The following ABCA12 variants were observed in gnomAD, a reference collection of about 807,000 sequenced individuals.
ABCA12 encodes glucosylceramide transporter ABCA12.
A neutral mutation model predicts 293.5 loss-of-function variants in ABCA12; 156 were observed. That is an observed-to-expected ratio of 0.53 (90% CI 0.47 to 0.61). The LOEUF (loss-of-function observed/expected upper bound fraction) is 0.61. Ranked by LOEUF, ABCA12 falls within the 20% of genes least tolerant of loss-of-function variation. The probability of loss-of-function intolerance (pLI) is 0.00; values close to 1 mark genes in which losing one functional copy is unlikely to be tolerated. For synonymous variants in ABCA12, 1,063 were observed against 1,108.0 expected, an observed-to-expected ratio of 0.96 and a Z score of 0.81; for missense variants, 2,797 against 3,090.2, an observed-to-expected ratio of 0.91 and a Z score of 2.25.
intron 7 of ABCA12, among the ~76,000 whole-genome samples, chr2:215,040,268 G>A (rs535864935): frequency 6.6e-6 from 1 of 152,084 alleles, no homozygotes; most frequent in African/African-American, 2.4e-5. Flanking sequence ...TATCAAAAAG[G>A]CAAACTATAC....
intron 23 of ABCA12, among the ~76,000 whole-genome samples, chr2:214,994,341 C>A (rs1439422765): frequency 6.6e-6 from 1 of 152,130 alleles, no homozygotes; most frequent in Non-Finnish European, 1.5e-5. Context: ...CAGAGCAATT[C>A]ATCAATATCT....
chr2:214,966,436 C>T (rs1444313783), intron 39 of ABCA12, among the ~76,000 whole-genome samples: 1 of 152,014 alleles, frequency 6.6e-6, no homozygotes, highest in Non-Finnish European at 1.5e-5. Context: ...AAAAAAGTAA[C>T]CACTAACATA....
chr2:214,944,925 G>A, intron 49 of ABCA12, 76 bp downstream of exon 49: 1 of 1,089,442 alleles, frequency 9.2e-7, no homozygotes, highest in Non-Finnish European at 1.4e-6. Context: ...ATTTATTTAT[G>A]TTATACAGGA....
chr2:215,105,873 G>A (rs1194428148), intron 2 of ABCA12, among the ~76,000 whole-genome samples: 1 of 152,064 alleles, frequency 6.6e-6, no homozygotes, highest in Non-Finnish European at 1.5e-5. Context: ...AACTGGATTG[G>A]GCAATCCACA....
intron 1 of ABCA12, among the ~76,000 whole-genome samples, chr2:215,117,041 T>A (rs908950253): frequency 6.6e-6 from 1 of 152,238 alleles, no homozygotes; most frequent in South Asian, 2.1e-4. Context: ...TATTGAGCTA[T>A]GTTTACTTGT....
At chr2:215,018,155 A>G in intron 13 of ABCA12, 23 bp from the exon 14 acceptor site, 1 of 1,606,826 alleles carries the variant, frequency 6.2e-7, no homozygotes, top group East Asian at 2.2e-5. Flanking sequence ...AAATGTAAAA[A>G]GAAAACCCAT....
intron 3 of ABCA12, among the ~76,000 whole-genome samples, chr2:215,063,675 G>A (rs1300332030): frequency 1.3e-5 from 2 of 151,898 alleles, no homozygotes; most frequent in Non-Finnish European, 2.9e-5. Context: ...TATCACACAT[G>A]GTAGTACCAG....
At chr2:215,113,173 C>CAA (rs1702614370) in intron 1 of ABCA12, among the ~76,000 whole-genome samples, 3 of 152,164 alleles carry the variant, frequency 2.0e-5, no homozygotes, top group Non-Finnish European at 4.4e-5. Flanking sequence ...ATTACTGATC[C>CAA]TTAAATAACT....
intron 9 of ABCA12, chr2:215,030,054 A>C (rs1700838709): frequency 6.6e-6 from 1 of 152,240 alleles, no homozygotes; most frequent in South Asian, 2.1e-4. Context: ...CCTTAATTTC[A>C]TCAATCACAA....
At position 214,979,952 on chromosome 2, in the gene ABCA12, T is replaced by C. The variant is rs534813728; in HGVS notation, c.4740+531A>G. On this transcript the variant is annotated intron_variant, in intron 31 of 52. Coordinates refer to ENST00000272895, the MANE Select transcript of ABCA12 (RefSeq NM_173076.3). Reference sequence around the variant, plus strand: ...CAGGGATCTTTAGCGAGCATTTTTGTTCTCCAAAAGATGTAAAGGCACCGT... The same window carrying C: ...CAGGGATCTTTAGCGAGCATTTTTGCTCTCCAAAAGATGTAAAGGCACCGT... Among the ~76,000 whole-genome samples the C allele has an allele frequency of 1.3e-3, 196 of 152,328 alleles. 1 individual carries two copies. Among genetic ancestry groups the C allele is most frequent in the African/African-American group, 4.5e-3 (188 of 41,576 alleles).
chr2:215,093,923 C>T (rs1702199107), intron 2 of ABCA12, among the ~76,000 whole-genome samples: 1 of 152,186 alleles, frequency 6.6e-6, no homozygotes, highest in Non-Finnish European at 1.5e-5. Context: ...TCCTGTTCCT[C>T]ACCCTGATCA....
intron 26 of ABCA12, among the ~76,000 whole-genome samples, chr2:214,988,190 C>A (rs1305116804): frequency 1.3e-5 from 2 of 152,174 alleles, no homozygotes; most frequent in African/African-American, 4.8e-5. Context: ...TAGACATATT[C>A]ATCTATGACC....
At chr2:214,976,523 G>A (rs1289482243) in intron 33 of ABCA12, among the ~76,000 whole-genome samples, 1 of 152,134 alleles carries the variant, frequency 6.6e-6, no homozygotes, top group Non-Finnish European at 1.5e-5. Flanking sequence ...GTGACTGTAA[G>A]TCTAATTGGC....
intron 2 of ABCA12, 36 bp downstream of exon 2, chr2:215,111,560 CA>C: frequency 6.5e-7 from 1 of 1,536,968 alleles, no homozygotes; most frequent in Non-Finnish European, 9.0e-7. Context: ...AACTAGAATC[CA>C]AAAATTAAGG....
In ABCA12 at chr2:214,978,398, C is replaced by G; in HGVS notation, c.5046G>C (p.Lys1682Asn). The change falls in exon 33 of 53, where the codon AAG becomes AAC. Residue 1682 changes from lysine (K) to asparagine (N), a missense_variant. This residue lies in a region of ABCA12 where 2,130 missense variants were observed against 2,427.0 expected (regional missense o/e 0.88). Transcript: ENST00000272895. ...SAMSLEHLTQ[K>N]KIGNSNANGI... ...CATTGGCATTGGAATTCCCAATTTT[C>G]TTTTGTGTTAAGTGCTCAAGACTCA... The G allele has an allele frequency of 2.5e-6, 4 of 1,613,982 alleles. No individual in the cohort carries two copies. Among genetic ancestry groups the G allele is most frequent in the Non-Finnish European group, 3.4e-6 (4 of 1,179,962 alleles).
At chr2:215,128,336 G>A (rs1365655040) in intron 1 of ABCA12, among the ~76,000 whole-genome samples, 3 of 152,176 alleles carry the variant, frequency 2.0e-5, no homozygotes, top group Admixed American at 6.5e-5. Context: ...GTATTTGCAC[G>A]TCTAGGTCTC....
intron 20 of ABCA12, among the ~76,000 whole-genome samples, 178 bp downstream of exon 20, chr2:215,004,031 A>C (rs1700200280): frequency 6.6e-6 from 1 of 152,150 alleles, no homozygotes; most frequent in Non-Finnish European, 1.5e-5. Flanking sequence ...ACTACTTGTA[A>C]TTGTACAACT....
At chr2:214,993,705 A>G (rs1269685122) in intron 23 of ABCA12, among the ~76,000 whole-genome samples, 1 of 152,178 alleles carries the variant, frequency 6.6e-6, no homozygotes, top group East Asian at 1.9e-4. Flanking sequence ...ATGTCAATAT[A>G]TTTCCCAAGG....
chr2:214,980,612 C>A lies in ABCA12; in HGVS notation c.4611G>T (p.Leu1537Phe). 1 of 1,614,032 alleles carries A rather than the reference C, an allele frequency of 6.2e-7. No homozygotes were observed. The highest frequency in any genetic ancestry group is 8.5e-7 in the Non-Finnish European group (1 of 1,179,976). Residue 1537 changes from leucine (L) to phenylalanine (F), a missense_variant, in exon 31 of 53, where the codon TTG becomes TTT. Transcript: ENST00000272895. ...ARTIILSTHH[L>F]DEAEVLSDRI... is the part of the protein sequence containing the mutation. The stretch of plus-strand genomic sequence containing the variant: ...GGTCACTCAGCACTTCAGCCTCGTC[C>A]AAGTGGTGCGTTGACAGAATGATTG...
Sources: allele counts gnomAD v4.1 joint callset (sites outside exome capture counted in the v4.1 genomes callset), GRCh38; gene constraint gnomAD v4.1.1; regional missense constraint gnomAD v4.1.1; transcripts MANE v1.5; gene names NCBI Gene and HGNC (gene_info 2026-07-23, HGNC 2026-07-21).